ZNF483: variants seen among roughly 807,000 people sequenced by gnomAD.
ZNF483 encodes the protein zinc finger protein HIT-10.
A neutral mutation model predicts 28.6 loss-of-function variants in ZNF483; 9 were observed. The ratio of observed to expected loss-of-function variants is 0.32; its 90% CI spans 0.19 to 0.55. The LOEUF is 0.55. Among genes scored for constraint, ZNF483 ranks in the 20% least tolerant of loss-of-function variants. ZNF483 has a pLI of 0.93. For synonymous variants in ZNF483, 322 were observed against 306.2 expected, an observed-to-expected ratio of 1.05 and a Z score of -0.54; for missense variants, 675 against 871.7, an observed-to-expected ratio of 0.77 and a Z score of 2.84.
downstream of ZNF483, among the ~76,000 whole-genome samples, chr9:111,559,348 C>G (rs758710325): frequency 1.3e-5 from 2 of 152,092 alleles, no homozygotes; most frequent in Non-Finnish European, 2.9e-5. Flanking sequence ...ACTCCTCACA[C>G]CAGGCAGCCC....
chr9:111,531,209 A>G (rs975623245), intron 3 of ZNF483, among the ~76,000 whole-genome samples: 2 of 151,962 alleles, frequency 1.3e-5, no homozygotes, highest in African/African-American at 4.8e-5. Flanking sequence ...AAAAAAATAG[A>G]ATAAATGTAA....
rs1438693998 is a variant in ZNF483 at position 111,554,555 on chromosome 9, T to TA, written c.*11386dup. Among the ~76,000 whole-genome samples the TA allele has an allele frequency of 6.6e-6, 1 of 152,164 alleles. No individual in the cohort carries two copies. Among genetic ancestry groups the TA allele is most frequent in the Non-Finnish European group, 1.5e-5 (1 of 68,028 alleles). The stretch of plus-strand genomic sequence containing the variant: ...CAACCTCAGATAGTACCAAACCCTG[T>TA]ATGTTCTATGTTTTGTCAGTCTGAT... On this transcript the variant is annotated 3_prime_UTR_variant, in exon 6 of 6. Transcript: ENST00000309235.
chr9:111,541,906 A>G lies in ZNF483; in HGVS notation c.971A>G (p.Tyr324Cys), dbSNP rs1189970355. 5.0e-6 allele frequency: 8 copies of G among 1,614,084 alleles called. No individual in the cohort carries two copies. The highest frequency in any genetic ancestry group is 2.2e-5 in the East Asian group (1 of 44,890). Residue 324 changes from tyrosine (Y) to cysteine (C), a missense_variant, in exon 6 of 6, where the codon TAC becomes TGC. Physicochemically the swap from Tyr to Cys is radical, Grantham distance 194. This residue lies in a region of ZNF483 where 525 missense variants were observed against 581.8 expected (regional missense o/e 0.90). Coordinates refer to ENST00000309235, the MANE Select transcript of ZNF483 (RefSeq NM_133464.5). Reference protein sequence around the residue: ...TSDLIKHLRVYLRKKSRRYNE... With the variant: ...TSDLIKHLRVCLRKKSRRYNE... The stretch of plus-strand genomic sequence containing the variant: ...GACTTAATTAAACATCTGAGAGTCT[A>G]CTTGAGGAAGAAATCTCGGAGGTAT...
At chr9:111,557,453 C>CT (rs376254465), downstream of ZNF483, among the ~76,000 whole-genome samples, 40 of 148,444 alleles carry the variant, frequency 2.7e-4, no homozygotes, top group African/African-American at 7.1e-4. Context: ...CTTTTTTTTG[C>CT]TTTTTTTTTG....
chr9:111,559,620 T>TA (rs1828217799), downstream of ZNF483, among the ~76,000 whole-genome samples: 2 of 149,602 alleles, frequency 1.3e-5, no homozygotes, highest in Non-Finnish European at 3.0e-5. Flanking sequence ...ATATACAACA[T>TA]ACATATATAA....
At position 111,547,465 on chromosome 9, in the gene ZNF483, G is replaced by A. The variant is rs2132269907; in HGVS notation, c.*4295G>A. 6.6e-6 allele frequency among the ~76,000 whole-genome samples: 1 copy of A among 152,146 alleles called. No homozygotes were observed. The highest frequency in any genetic ancestry group is 2.1e-4 in the South Asian group (1 of 4,830). ...CTTCTTTGGAGAAATGTTTATTGAA[G>A]TCCTTTGCCCATTTTTTAATTGGTT... On this transcript the variant is annotated 3_prime_UTR_variant, in exon 6 of 6. Transcript: ENST00000309235.
rs192034923 is a variant in ZNF483 at position 111,531,508 on chromosome 9, C to T, written c.501+545C>T. 1.8e-3 allele frequency among the ~76,000 whole-genome samples: 269 copies of T among 152,038 alleles called. 7 individuals carry two copies. The South Asian group carries it at 0.04, about 23-fold the overall frequency. On this transcript the variant is annotated intron_variant, in intron 3 of 5. Coordinates refer to ENST00000309235, the MANE Select transcript of ZNF483 (RefSeq NM_133464.5). Reference sequence around the variant, plus strand: ...TCTCCTGCCTCAGCCTCCTGAGTAGCTGGGATTATAGGCTCCTGCCACCAT... The same window carrying T: ...TCTCCTGCCTCAGCCTCCTGAGTAGTTGGGATTATAGGCTCCTGCCACCAT...
chr9:111,543,491 A>C lies in ZNF483; in HGVS notation c.*321A>C. 1 of 1,043,246 alleles carries C rather than the reference A, an allele frequency of 9.6e-7. No individual in the cohort carries two copies. Among genetic ancestry groups the C allele is most frequent in the Non-Finnish European group, 1.2e-6 (1 of 867,810 alleles). 64.6% of individuals were successfully genotyped at this position (1,043,246 alleles called of 1,614,324 possible). On this transcript the variant is annotated 3_prime_UTR_variant, in exon 6 of 6. Coordinates refer to ENST00000309235, the MANE Select transcript of ZNF483 (RefSeq NM_133464.5). ...AGTGTGATGGAGAGAACTTGACTGC[A>C]GTCACATAACTTGGATTCTGTCCCA...
At chr9:111,569,140 T>C (rs1227173925) in intron 5 of ZNF483, among the ~76,000 whole-genome samples, 2 of 152,260 alleles carry the variant, frequency 1.3e-5, no homozygotes, top group East Asian at 1.9e-4. Flanking sequence ...CAGGTGGACA[T>C]ACTAGCCTAG....
At chr9:111,577,973 G>A (rs1220164730), downstream of ZNF483, 2 of 152,122 alleles carry the variant, frequency 1.3e-5, no homozygotes, top group East Asian at 3.9e-4. Context: ...TGGTAATGGA[G>A]AGTGACTGCT....
At chr9:111,559,407 T>A (rs58515751), downstream of ZNF483, among the ~76,000 whole-genome samples, 40,919 of 151,638 alleles carry the variant, frequency 0.27, 8,089 homozygotes, top group African/African-American at 0.56. Context: ...ACACCCTCAA[T>A]CAGGCCCTGC....
At chr9:111,535,628 C>G (rs922232059) in intron 5 of ZNF483, among the ~76,000 whole-genome samples, 3 of 152,224 alleles carry the variant, frequency 2.0e-5, no homozygotes, top group Non-Finnish European at 4.4e-5. Context: ...ACTGCAACCT[C>G]TGCCTCCCAG....
chr9:111,574,766 G>A, intron 5 of ZNF483: 3 of 1,613,932 alleles, frequency 1.9e-6, no homozygotes, highest in Non-Finnish European at 2.5e-6. Flanking sequence ...GTTATATGTA[G>A]AGATGGCTCC....
At chr9:111,559,885 T>C (rs1329793396), downstream of ZNF483, among the ~76,000 whole-genome samples, 3 of 152,200 alleles carry the variant, frequency 2.0e-5, no homozygotes, top group Non-Finnish European at 4.4e-5. Context: ...TTAGTTATCT[T>C]CCTTGAAGAC....
intron 5 of ZNF483, among the ~76,000 whole-genome samples, chr9:111,538,205 C>CT (rs1827567398): frequency 6.6e-6 from 1 of 150,832 alleles, no homozygotes; most frequent in South Asian, 2.1e-4. Context: ...AAAAATTTTT[C>CT]TAACATGTTT....
exon 6 of ZNF483, chr9:111,577,193 A>G (rs1272090336): frequency 6.6e-6 from 1 of 152,244 alleles, no homozygotes; most frequent in East Asian, 1.9e-4. Flanking sequence ...TGGCAAATAC[A>G]TACGTTGAAA....
intron 5 of ZNF483, among the ~76,000 whole-genome samples, chr9:111,537,188 C>T (rs1002328150): frequency 6.6e-6 from 1 of 151,300 alleles, no homozygotes; most frequent in Admixed American, 6.6e-5. Flanking sequence ...TTCCTGGAGA[C>T]ATAAACTGCT....
At chr9:111,561,552 A>G (rs1370545890) in intron 5 of ZNF483, among the ~76,000 whole-genome samples, 1 of 152,186 alleles carries the variant, frequency 6.6e-6, no homozygotes, top group East Asian at 1.9e-4. Flanking sequence ...GTGAGCCACT[A>G]TGCCTGGCCC....
chr9:111,535,868 C>T (rs1050739097), intron 5 of ZNF483, among the ~76,000 whole-genome samples: 4 of 146,432 alleles, frequency 2.7e-5, no homozygotes, highest in African/African-American at 1.0e-4. Context: ...TTTATACTTA[C>T]CTATATCTTA....
Sources: allele counts gnomAD v4.1 joint callset (sites outside exome capture counted in the v4.1 genomes callset), GRCh38; gene constraint gnomAD v4.1.1; regional missense constraint gnomAD v4.1.1; transcripts MANE v1.5; gene names NCBI Gene and HGNC (gene_info 2026-07-23, HGNC 2026-07-21).